Variants in THBS3 observed in about 807,000 individuals in gnomAD.
The protein encoded by THBS3 is thrombospondin-3.
A neutral mutation model predicts 118.3 loss-of-function variants in THBS3; 78 were observed. The ratio of observed to expected loss-of-function variants is 0.66; its 90% CI spans 0.55 to 0.80. The LOEUF (loss-of-function observed/expected upper bound fraction) is 0.80. THBS3 is among the 30% of genes least tolerant of loss of function. The probability of loss-of-function intolerance (pLI) is 0.00; values close to 1 mark genes in which losing one functional copy is unlikely to be tolerated. For synonymous variants in THBS3, 427 were observed against 475.3 expected, an observed-to-expected ratio of 0.90 and a Z score of 1.32; for missense variants, 1,057 against 1,247.4, an observed-to-expected ratio of 0.85 and a Z score of 2.30.
rs144647693 is a variant in THBS3, at chr1:155,197,546, C to T, written c.2416G>A (p.Val806Ile). The T allele has an allele frequency of 2.7e-5, 43 of 1,613,886 alleles. No homozygotes were observed. Among genetic ancestry groups the T allele is most frequent in the Admixed American group, 6.7e-5 (4 of 59,976 alleles). Residue 806 changes from valine (V) to isoleucine (I), a missense_variant, in exon 20 of 23, where the codon GTA (valine) becomes ATA (isoleucine). Physicochemically the swap from Val to Ile is conservative, Grantham distance 29. This residue lies in a region of THBS3 where 307 missense variants were observed against 326.1 expected (regional missense o/e 0.94). Coordinates refer to ENST00000368378, the MANE Select transcript of THBS3 (RefSeq NM_007112.5). This position sits in a 1 kb window ranked among gnomAD's most constrained non-coding sequence, Gnocchi z 5.0. ...FSYQDSGRFY[V>I]VMWKQTEQTY... ...TGCTCGGTCTGCTTCCACATGACTA[C>T]GTAGAAGCGGCCACTGTCTTGATAA... is the stretch of plus-strand genomic sequence containing the variant.
Position 155,200,018 on chromosome 1 carries a change from G to T in THBS3, c.1804C>A (p.Pro602Thr). 1.2e-6 allele frequency: 2 copies of T among 1,600,516 alleles called. No homozygotes were observed. Among genetic ancestry groups the T allele is most frequent in the South Asian group, 2.2e-5 (2 of 89,112 alleles). ...DGVGDACDSC[P>T]EMSNPTQTDA... Reference sequence around the variant, plus strand: ...ACCTGGGTAGGATTGCTCATTTCAGGGCAGCTGTCGCAAGCATCTCCCACC... The same window carrying T: ...ACCTGGGTAGGATTGCTCATTTCAGTGCAGCTGTCGCAAGCATCTCCCACC... Residue 602 changes from proline to threonine, a missense_variant, in exon 15 of 23, where the codon CCT becomes ACT. By Grantham distance (38) the Pro-to-Thr change is conservative. Coordinates refer to ENST00000368378, the MANE Select transcript of THBS3 (RefSeq NM_007112.5).
At chr1:155,196,896 T>C (rs1668760397) in intron 21 of THBS3, 145 bp downstream of exon 21, 1 of 737,472 alleles carries the variant, frequency 1.4e-6, no homozygotes, top group Non-Finnish European at 2.2e-6. Context: ...ACATCACTCA[T>C]AGGTGCTTGT....
chr1:155,202,110 C>T lies in THBS3; in HGVS notation c.1099-76G>A. 6.2e-7 allele frequency: 1 copy of T among 1,610,956 alleles called. No homozygotes were observed. Among genetic ancestry groups the T allele is most frequent in the Non-Finnish European group, 8.5e-7 (1 of 1,177,876 alleles). ...ATACAGCAGAGGACACTGGTATGGC[C>T]TTATCTGTGAACATCAACATTAAGC... On this transcript the variant is annotated intron_variant, in intron 9 of 22. Transcript: ENST00000368378. The surrounding 1 kb of genome is among the most constrained non-coding windows in gnomAD (Gnocchi z 5.5).
chr1:155,202,868 C>A lies in THBS3; in HGVS notation c.901G>T (p.Gly301Trp), dbSNP rs1415518995. 1.2e-6 allele frequency: 2 copies of A among 1,613,780 alleles called. No homozygotes were observed. The highest frequency in any genetic ancestry group is 3.3e-5 in the Admixed American group (2 of 60,028). Residue 301 changes from glycine to tryptophan, a missense_variant, in exon 8 of 23, where the codon GGG becomes TGG. Gly to Trp is a radical substitution (Grantham distance 184). Transcript: ENST00000368378. This position sits in a 1 kb window ranked among gnomAD's most constrained non-coding sequence, Gnocchi z 5.5. ...CCCTGCAGGCCAGGGGGGCAGGGCC[C>A]ACAGCGGTAGCCTGGGTACTCGTAC... ...EVYEYPGYRCGPCPPGLQGNG... is the reference protein window; with the variant it reads ...EVYEYPGYRCWPCPPGLQGNG...
At chr1:155,207,345 C>T (rs1670702719) in intron 1 of THBS3, among the ~76,000 whole-genome samples, 1 of 152,254 alleles carries the variant, frequency 6.6e-6, no homozygotes, top group African/African-American at 2.4e-5. Context: ...GCTACCTCTC[C>T]CACATCCATC....
Position 155,205,309 on chromosome 1 carries a change from C to A in THBS3, c.294G>T (p.Val98=). 6.2e-7 allele frequency: 1 copy of A among 1,613,842 alleles called. No homozygotes were observed. The highest frequency in any genetic ancestry group is 8.5e-7 in the Non-Finnish European group (1 of 1,179,940). ...SVVGKINKVL[V]RYQREDGKVH... Reference sequence around the variant, plus strand: ...CTTTGCCATCCTCCCGCTGGTATCGCACCAGTACTGCCCAGGAGGGGAGAT... The same window carrying A: ...CTTTGCCATCCTCCCGCTGGTATCGAACCAGTACTGCCCAGGAGGGGAGAT... The change falls in exon 3 of 23, where the codon GTG becomes GTT. Residue 98 remains valine (V), a synonymous_variant. Transcript: ENST00000368378.
Position 155,195,765 on chromosome 1 carries a change from G to C in THBS3, c.*76C>G. 1 of 1,511,542 alleles carries C rather than the reference G, an allele frequency of 6.6e-7. No homozygotes were observed. Among genetic ancestry groups the C allele is most frequent in the South Asian group, 1.1e-5 (1 of 87,780 alleles). The allele number at this position is 1,511,542 out of a possible 1,614,324, so 93.6% of individuals were successfully genotyped here. A position where few individuals can be genotyped will look rare whatever the true frequency, so the allele number is the denominator to read the frequency against. ...TGGTTGGCTGAGGGGCTGTAGCTTA[G>C]ACCTCAGGGTCTCCAGGATGGACCC... On this transcript the variant is annotated 3_prime_UTR_variant, in exon 23 of 23. Coordinates refer to ENST00000368378, the MANE Select transcript of THBS3 (RefSeq NM_007112.5).
Position 155,197,525 on chromosome 1 carries a change from C to G in THBS3, c.2437G>C (p.Glu813Gln). 6.2e-7 allele frequency: 1 copy of G among 1,614,110 alleles called. No homozygotes were observed. Among genetic ancestry groups the G allele is most frequent in the Non-Finnish European group, 8.5e-7 (1 of 1,180,020 alleles). The change falls in exon 20 of 23, where the codon GAG becomes CAG. Residue 813 changes from glutamate (E) to glutamine (Q), a missense_variant. This residue lies in a region of THBS3 where 307 missense variants were observed against 326.1 expected (regional missense o/e 0.94). Coordinates refer to ENST00000368378, the MANE Select transcript of THBS3 (RefSeq NM_007112.5). The surrounding 1 kb of genome is among the most constrained non-coding windows in gnomAD (Gnocchi z 5.0). The part of the protein sequence containing the change: ...RFYVVMWKQT[E>Q]QTYWQATPFR... ...GGTGTAGCCTGCCAGTAGGTCTGCT[C>G]GGTCTGCTTCCACATGACTACGTAG...
chr1:155,199,152 T>C (rs1458420769), intron 16 of THBS3, among the ~76,000 whole-genome samples: 1 of 149,624 alleles, frequency 6.7e-6, no homozygotes, highest in Non-Finnish European at 1.5e-5. Flanking sequence ...GGCTCACGCC[T>C]GTAATCCCAG....
Position 155,199,659 on chromosome 1 carries a change from G to T in THBS3, c.1880+145C>A, listed in dbSNP as rs534281482. 80 of 752,560 alleles carry T rather than the reference G, an allele frequency of 1.1e-4. No homozygotes were observed. The Admixed American group carries it at 1.8e-3, about 17-fold the overall frequency. The allele number at this position is 752,560 out of a possible 1,614,324, so 46.6% of individuals were successfully genotyped here. A position where few individuals can be genotyped will look rare whatever the true frequency, so the allele number is the denominator to read the frequency against. ...ATCCTAGCCACTCAGGGAGGTTGAG[G>T]CATGAGAATCACTTGACCCTGGGAG... On this transcript the variant is annotated intron_variant, in intron 16 of 22. Coordinates refer to ENST00000368378, the MANE Select transcript of THBS3 (RefSeq NM_007112.5).
At chr1:155,201,722 G>T in intron 10 of THBS3, 153 bp from the exon 11 acceptor site, 1 of 1,009,300 alleles carries the variant, frequency 9.9e-7, no homozygotes, top group Non-Finnish European at 1.5e-6. Flanking sequence ...CTTTCAGGGT[G>T]GATAACAGCC....
chr1:155,200,402 C>T, intron 14 of THBS3, 49 bp downstream of exon 14: 1 of 1,596,926 alleles, frequency 6.3e-7, no homozygotes, highest in South Asian at 1.1e-5. Context: ...CCCACCTGAT[C>T]CAAATTCTCA....
At position 155,199,888 on chromosome 1, in the gene THBS3, C is replaced by T. The variant is rs1175970499; in HGVS notation, c.1828-32G>A. The T allele has an allele frequency of 3.7e-6, 6 of 1,613,966 alleles. No individual in the cohort carries two copies. The East Asian group carries it at 1.3e-4, about 36-fold the overall frequency. On this transcript the variant is annotated intron_variant, in intron 15 of 22. Transcript: ENST00000368378. ...GAGAGGGACCTGTTCTCACCATCTC[C>T]TCTTGATAACTCTGAAGAGGGTGAT...
rs545148256 is a variant in THBS3, at chr1:155,197,403, G to T, written c.2499+60C>A. On this transcript the variant is annotated intron_variant, in intron 20 of 22. Transcript: ENST00000368378. This position sits in a 1 kb window ranked among gnomAD's most constrained non-coding sequence, Gnocchi z 5.0. ...AGTCAAGCAGTGGGGGAGGCCCTGGGGCTGCAGAGGAGAGCTTTGGGAAAG... is the reference window on the plus strand; with the variant it reads ...AGTCAAGCAGTGGGGGAGGCCCTGGTGCTGCAGAGGAGAGCTTTGGGAAAG... The T allele has an allele frequency of 3.2e-6, 5 of 1,580,260 alleles. No individual in the cohort carries two copies. The African/African-American group carries it at 5.4e-5, about 17-fold the overall frequency.
At chr1:155,208,256 T>C (rs1353960091), upstream of THBS3, among the ~76,000 whole-genome samples, 2 of 152,188 alleles carry the variant, frequency 1.3e-5, no homozygotes, top group Non-Finnish European at 2.9e-5. Context: ...CAGTGGGCAT[T>C]ATTCCACAGC....
chr1:155,208,607 C>A, upstream of THBS3: 1 of 590,194 alleles, frequency 1.7e-6, no homozygotes, highest in Non-Finnish European at 2.9e-6. Context: ...TGGGTACTAG[C>A]GGACGGGCCG....
chr1:155,198,485 A>G lies in THBS3; in HGVS notation c.1998T>C (p.Asp666=). 2 of 1,614,216 alleles carry G rather than the reference A, an allele frequency of 1.2e-6. No homozygotes were observed. The highest frequency in any genetic ancestry group is 2.2e-5 in the East Asian group (1 of 44,888). The change falls in exon 17 of 23, where the codon GAT becomes GAC. Residue 666 remains aspartate (D), a synonymous_variant. Transcript: ENST00000368378. The part of the protein sequence containing the change: ...GDECDGDDDN[D]GIPDYVPPGP... Reference sequence around the variant, plus strand: ...CAGGAGGCACATAATCTGGGATGCCATCATTGTCATCATCCCCATCACACT... The same window carrying G: ...CAGGAGGCACATAATCTGGGATGCCGTCATTGTCATCATCCCCATCACACT...
At position 155,197,009 on chromosome 1, in the gene THBS3, G is replaced by T; in HGVS notation, c.2672+32C>A. The T allele has an allele frequency of 6.2e-7, 1 of 1,602,402 alleles. No individual in the cohort carries two copies. The highest frequency in any genetic ancestry group is 8.5e-7 in the Non-Finnish European group (1 of 1,171,042). ...AAGAGGAAGGACAGGCCCGGCCTGA[G>T]TCCCACAGGTGGGCTCAGCCCCTCT... On this transcript the variant is annotated intron_variant, in intron 21 of 22. Transcript: ENST00000368378. This position sits in a 1 kb window ranked among gnomAD's most constrained non-coding sequence, Gnocchi z 5.0.
chr1:155,198,346 C>T, intron 17 of THBS3, 63 bp downstream of exon 17: 1 of 1,590,274 alleles, frequency 6.3e-7, no homozygotes. Flanking sequence ...CCCAACAGGG[C>T]TTGCTGCCTC....
Sources: gnomAD v4.1 joint callset for allele counts (sites outside exome capture counted in the v4.1 genomes callset) on GRCh38, gnomAD v4.1.1 for gene constraint, gnomAD v4.1.1 regional missense constraint, Gnocchi (gnomAD v3.1) non-coding constraint, MANE v1.5 for transcripts, NCBI Gene and HGNC (gene_info 2026-07-23, HGNC 2026-07-21) for gene names.